Variants in ABCC3 observed in about 807,000 individuals in gnomAD.
ABCC3 encodes ATP binding cassette subfamily C member 3.
ABCC3 carries 121 observed loss-of-function variants against 165.3 expected under a neutral mutation model. The ratio of observed to expected loss-of-function variants is 0.73; its 90% CI spans 0.63 to 0.85. The LOEUF (loss-of-function observed/expected upper bound fraction) is 0.85, where lower values mean the gene tolerates loss of function less well. ABCC3 is among the 40% of genes least tolerant of loss of function. ABCC3 has a pLI of 0.00. For missense variants in ABCC3, 1,869 were observed against 1,964.1 expected, an observed-to-expected ratio of 0.95 and a Z score of 0.92; for synonymous variants, 733 against 810.1, an observed-to-expected ratio of 0.90 and a Z score of 1.62.
chr17:50,676,361 A>G lies in ABCC3; in HGVS notation c.3151A>G (p.Asn1051Asp), dbSNP rs1201265564. Residue 1051 changes from asparagine (N) to aspartate (D), a missense_variant, in exon 23 of 31, where the codon AAC becomes GAC. By Grantham distance (23) the Asn-to-Asp change is conservative. Coordinates refer to ENST00000285238, the MANE Select transcript of ABCC3 (RefSeq NM_003786.4). ...ARVLHQALLH[N>D]KIRSPQSFFD... The stretch of plus-strand genomic sequence containing the variant: ...TGTGTTGCACCAGGCACTGCTGCAC[A>G]ACAAGATACGCTCGCCACAGTCCTT... 1 of 1,614,040 alleles carries G rather than the reference A, an allele frequency of 6.2e-7. No homozygotes were observed. Among genetic ancestry groups the G allele is most frequent in the Non-Finnish European group, 8.5e-7 (1 of 1,179,992 alleles).
At position 50,655,238 on chromosome 17, in the gene ABCC3, T is replaced by A. The variant is rs560736588; in HGVS notation, c.46-594T>A. 4.0e-4 allele frequency among the ~76,000 whole-genome samples: 59 copies of A among 146,020 alleles called. 1 individual carries two copies. Among genetic ancestry groups the A allele is most frequent in the Non-Finnish European group, 1.2e-4 (8 of 66,880 alleles). On this transcript the variant is annotated intron_variant, in intron 1 of 30. Coordinates refer to ENST00000285238, the MANE Select transcript of ABCC3 (RefSeq NM_003786.4). The stretch of plus-strand genomic sequence containing the variant: ...CTGGCCAACATGGTGAAACCCCGTC[T>A]CTACTAAAAATACAAAAATTAGCCA...
In ABCC3 at chr17:50,653,067, C is replaced by T. The variant is rs192164052; in HGVS notation, c.46-2765C>T. On this transcript the variant is annotated intron_variant, in intron 1 of 30. Coordinates refer to ENST00000285238, the MANE Select transcript of ABCC3 (RefSeq NM_003786.4). ...ATCTGTTAAAAGAAAAGCTTTAGGC[C>T]GGGCACGGTGGCTCACGCCTGTTAT... is the stretch of plus-strand genomic sequence containing the variant. Among the ~76,000 whole-genome samples the T allele has an allele frequency of 8.5e-5, 13 of 152,256 alleles. No individual in the cohort carries two copies. In the East Asian group the frequency reaches 9.7e-4, roughly 11 times the overall value.
At chr17:50,673,317 G>A (rs1967688542) in intron 18 of ABCC3, 152 bp from the exon 19 acceptor site, 2 of 1,243,878 alleles carry the variant, frequency 1.6e-6, no homozygotes, top group African/African-American at 3.0e-5. Context: ...GAGGTTCTGA[G>A]CAGGCTGTGG....
rs145738704 is a variant in ABCC3 at position 50,687,703 on chromosome 17, G to A, written c.4448G>A (p.Arg1483Gln). ...DTCTVLTIAH[R>Q]LNTIMDYTRV... ...TGCACTGTCCTGACCATCGCACACC[G>A]GCTTAACACTATCATGGACTACACC... Residue 1483 changes from arginine (R) to glutamine (Q), a missense_variant, in exon 30 of 31, where the codon CGG (arginine) becomes CAG (glutamine). Arg to Gln is a conservative substitution (Grantham distance 43). Coordinates refer to ENST00000285238, the MANE Select transcript of ABCC3 (RefSeq NM_003786.4). The A allele has an allele frequency of 3.5e-5, 56 of 1,614,058 alleles. No homozygotes were observed. In the Admixed American group the frequency reaches 4.2e-4, roughly 12 times the overall value.
chr17:50,680,419 G>A (rs865975402), intron 26 of ABCC3, among the ~76,000 whole-genome samples: 4 of 152,024 alleles, frequency 2.6e-5, no homozygotes, highest in East Asian at 1.9e-4. Context: ...TTTCTCCACC[G>A]CCCCCTCTCA....
intron 19 of ABCC3, among the ~76,000 whole-genome samples, chr17:50,673,994 C>T (rs1185267201): frequency 0.32 from 2,160 of 6,658 alleles, 549 homozygotes; most frequent in South Asian, 0.37. Context: ...CTCTCTCTCT[C>T]TCTCTCTCTC....
chr17:50,651,067 A>G (rs796147547), intron 1 of ABCC3, among the ~76,000 whole-genome samples: 218 of 59,380 alleles, frequency 3.7e-3, no homozygotes, highest in African/African-American at 1.0e-2. Flanking sequence ...TCCATCTCAG[A>G]AAAAAAAAAA....
intron 18 of ABCC3, 100 bp downstream of exon 18, chr17:50,673,238 G>A: frequency 3.4e-6 from 5 of 1,469,526 alleles, no homozygotes; most frequent in Non-Finnish European, 4.6e-6. Flanking sequence ...TGGAGGTGTG[G>A]GGGGCGCAAG....
intron 10 of ABCC3, among the ~76,000 whole-genome samples, 182 bp from the exon 11 acceptor site, chr17:50,664,971 C>G (rs1167874331): frequency 6.6e-6 from 1 of 152,192 alleles, no homozygotes; most frequent in Non-Finnish European, 1.5e-5. Flanking sequence ...TATCTAATGG[C>G]TGGCTGCTTC....
At chr17:50,639,248 TG>T (rs1235600240) in intron 1 of ABCC3, among the ~76,000 whole-genome samples, 1 of 152,188 alleles carries the variant, frequency 6.6e-6, no homozygotes, top group Non-Finnish European at 1.5e-5. Context: ...AACCCAGTGC[TG>T]GATGGCTTTG....
intron 19 of ABCC3, 26 bp downstream of exon 19, chr17:50,673,684 T>C: frequency 6.2e-7 from 1 of 1,607,140 alleles, no homozygotes. Flanking sequence ...GGCCCTCTGA[T>C]TCCCATGCCT....
At chr17:50,670,323 T>TC (rs1967621493) in intron 17 of ABCC3, among the ~76,000 whole-genome samples, 3 of 152,080 alleles carry the variant, frequency 2.0e-5, no homozygotes, top group East Asian at 1.9e-4. Flanking sequence ...CTTCAAGTGA[T>TC]CCCCCCGCCT....
chr17:50,690,541 C>A (rs1445960773), intron 30 of ABCC3, among the ~76,000 whole-genome samples: 2 of 152,166 alleles, frequency 1.3e-5, no homozygotes, highest in African/African-American at 4.8e-5. Context: ...CAGGTGCACT[C>A]GGTGAGTGGT....
intron 18 of ABCC3, 92 bp from the exon 19 acceptor site, chr17:50,673,377 G>A (rs1460615477): frequency 3.4e-6 from 5 of 1,490,210 alleles, no homozygotes; most frequent in Middle Eastern, 1.8e-4. Context: ...CCTGGCACAT[G>A]GGCACACTTC....
rs1349711034 is a variant in ABCC3 at position 50,675,736 on chromosome 17, T to C, written c.2820T>C (p.Asp940=). The C allele has an allele frequency of 1.6e-5, 25 of 1,563,396 alleles. No individual in the cohort carries two copies. Among genetic ancestry groups the C allele is most frequent in the Non-Finnish European group, 2.1e-5 (24 of 1,153,676 alleles). The change falls in exon 21 of 31, where the codon GAT becomes GAC. Residue 940 remains aspartate (D), a synonymous_variant. Coordinates refer to ENST00000285238, the MANE Select transcript of ABCC3 (RefSeq NM_003786.4). ...EKVQVTEAKA[D]GALTQEEKAA... ...TGCAGGTGACAGAGGCGAAGGCAGATGGGGCACTGACCCAGGAGGAGAAAG... is the reference window on the plus strand; with the variant it reads ...TGCAGGTGACAGAGGCGAAGGCAGACGGGGCACTGACCCAGGAGGAGAAAG...
intron 1 of ABCC3, among the ~76,000 whole-genome samples, chr17:50,641,678 A>G (rs1194981408): frequency 6.6e-6 from 1 of 152,224 alleles, no homozygotes; most frequent in Non-Finnish European, 1.5e-5. Context: ...AGGAAATACC[A>G]TCAACTGCAG....
At chr17:50,647,754 G>A (rs932168583) in intron 1 of ABCC3, among the ~76,000 whole-genome samples, 2 of 152,144 alleles carry the variant, frequency 1.3e-5, no homozygotes, top group African/African-American at 4.8e-5. Flanking sequence ...TTCGCCCTTG[G>A]AGGCTGGGCA....
chr17:50,676,601 C>A lies in ABCC3; in HGVS notation c.3378+13C>A. 1 of 1,342,902 alleles carries A rather than the reference C, an allele frequency of 7.4e-7. No homozygotes were observed. Among genetic ancestry groups the A allele is most frequent in the South Asian group, 1.2e-5 (1 of 83,276 alleles). 83.2% of individuals were successfully genotyped at this position (1,342,902 alleles called of 1,614,324 possible). A position where few individuals can be genotyped will look rare whatever the true frequency, so the allele number is the denominator to read the frequency against. The stretch of plus-strand genomic sequence containing the variant: ...CACCTTAGTGCAGGTGTGGGGTGGG[C>A]GTGATTCCAGTGTGGGCGTGGTGTT... On this transcript the variant is annotated intron_variant, in intron 23 of 30. Transcript: ENST00000285238.
At chr17:50,690,142 A>T (rs550781894) in intron 30 of ABCC3, among the ~76,000 whole-genome samples, 2 of 152,110 alleles carry the variant, frequency 1.3e-5, no homozygotes, top group Non-Finnish European at 2.9e-5. Context: ...CAGGCAAAGG[A>T]TATAACACAT....
Sources: allele counts gnomAD v4.1 joint callset (sites outside exome capture counted in the v4.1 genomes callset), GRCh38; gene constraint gnomAD v4.1.1; transcripts MANE v1.5; gene names NCBI Gene and HGNC (gene_info 2026-07-23, HGNC 2026-07-21).